The following FAR2 variants were observed in gnomAD, a reference collection of about 807,000 sequenced individuals.
FAR2 encodes the protein epididymis secretory protein Li 81.
A neutral mutation model predicts 56.0 loss-of-function variants in FAR2; 19 were observed. The observed-to-expected ratio is 0.34, with a 90% CI of 0.24 to 0.50. The LOEUF (loss-of-function observed/expected upper bound fraction) is 0.50. FAR2 is among the 20% of genes least tolerant of loss of function. The pLI, the probability that FAR2 is intolerant of heterozygous loss-of-function variation, is 0.98. For missense variants in FAR2, 508 were observed against 642.2 expected (o/e 0.79, Z 2.26); for synonymous variants, 219 against 218.8 (o/e 1.00, Z -0.01).
chr12:29,265,007 G>A (rs1390528588), intron 1 of FAR2, among the ~76,000 whole-genome samples: 3 of 152,102 alleles, frequency 2.0e-5, no homozygotes, highest in Non-Finnish European at 4.4e-5. Context: ...ATAAAACATT[G>A]ATGGAAGAAA....
intron 1 of FAR2, among the ~76,000 whole-genome samples, chr12:29,214,094 A>G (rs1015314871): frequency 6.6e-6 from 1 of 152,238 alleles, no homozygotes; most frequent in African/African-American, 2.4e-5. Flanking sequence ...TCGTCATCCA[A>G]GTCATCAATT....
chr12:29,187,904 A>G (rs1223960790), intron 1 of FAR2, among the ~76,000 whole-genome samples: 1 of 152,196 alleles, frequency 6.6e-6, no homozygotes, highest in Non-Finnish European at 1.5e-5. Context: ...TTGTGTTCCA[A>G]TCAGCCAGTT....
intron 1 of FAR2, among the ~76,000 whole-genome samples, chr12:29,221,394 C>A (rs755925308): frequency 2.6e-5 from 4 of 152,152 alleles, no homozygotes; most frequent in South Asian, 2.1e-4. Context: ...GCCTGACCAG[C>A]TACCTACTGT....
At chr12:29,250,020 C>T (rs1948182247) in intron 1 of FAR2, among the ~76,000 whole-genome samples, 1 of 152,156 alleles carries the variant, frequency 6.6e-6, no homozygotes, top group South Asian at 2.1e-4. Flanking sequence ...GACTCGAATG[C>T]TCACTAGCAT....
At chr12:29,221,098 A>G (rs1947684235) in intron 1 of FAR2, among the ~76,000 whole-genome samples, 1 of 152,010 alleles carries the variant, frequency 6.6e-6, no homozygotes, top group Non-Finnish European at 1.5e-5. Flanking sequence ...AACTGGTAAC[A>G]ACACTCCCTT....
chr12:29,249,248 T>A (rs1204143895), intron 1 of FAR2, among the ~76,000 whole-genome samples: 1 of 152,202 alleles, frequency 6.6e-6, no homozygotes, highest in African/African-American at 2.4e-5. Flanking sequence ...TAAATGTCCA[T>A]AAAATCTTCA....
chr12:29,174,022 C>A (rs934551569), intron 1 of FAR2, among the ~76,000 whole-genome samples: 4 of 152,262 alleles, frequency 2.6e-5, no homozygotes, highest in African/African-American at 7.2e-5. Flanking sequence ...CCTAAGCATT[C>A]TCCTGTTAGT....
chr12:29,224,423 G>C (rs1353969846), intron 1 of FAR2, among the ~76,000 whole-genome samples: 1 of 152,210 alleles, frequency 6.6e-6, no homozygotes, highest in Non-Finnish European at 1.5e-5. Flanking sequence ...GGGAACTTGA[G>C]AGCTCCAGGG....
intron 10 of FAR2, among the ~76,000 whole-genome samples, chr12:29,328,901 A>C: frequency 6.6e-6 from 1 of 152,044 alleles, no homozygotes; most frequent in East Asian, 1.9e-4. Flanking sequence ...ATAATAATTA[A>C]AAAAAAGAAA....
intron 1 of FAR2, among the ~76,000 whole-genome samples, chr12:29,159,230 C>T (rs1429352492): frequency 6.6e-6 from 1 of 152,150 alleles, no homozygotes; most frequent in African/African-American, 2.4e-5. Context: ...GCACCAAGCA[C>T]TTAACACCAA....
chr12:29,325,797 A>C (rs1029415895), intron 10 of FAR2, among the ~76,000 whole-genome samples: 7 of 152,216 alleles, frequency 4.6e-5, no homozygotes, highest in Non-Finnish European at 8.8e-5. Flanking sequence ...AAGAGAAAGC[A>C]AGAAAGATCT....
Position 29,175,760 on chromosome 12 carries a change from C to T in FAR2, c.-39+26353C>T, listed in dbSNP as rs1014388702. Among the ~76,000 whole-genome samples, 52 of 152,128 alleles carry T rather than the reference C, an allele frequency of 3.4e-4. 2 individuals carry two copies. Among genetic ancestry groups the T allele is most frequent in the Admixed American group, 3.3e-3 (51 of 15,268 alleles). On this transcript the variant is annotated intron_variant, in intron 1 of 11. Transcript: ENST00000536681. ...GATTGGTGCGTTTACAATCCTTTAG[C>T]GAGACCCAGAGCGCTGATTGGTGCA...
rs1949780120 is a variant in FAR2, at chr12:29,335,312, T to C, written c.*1518T>C. 1 of 152,188 alleles carries C rather than the reference T, an allele frequency of 6.6e-6. No individual in the cohort carries two copies. Among genetic ancestry groups the C allele is most frequent in the Non-Finnish European group, 1.5e-5 (1 of 68,030 alleles). The allele number at this position is 152,188 out of a possible 1,614,324, so 9.4% of individuals were successfully genotyped here. ...TGGAGGAACTCTTCTGGGCAATATC[T>C]TTCCCAATCTCATCTAAATTCTGGG... On this transcript the variant is annotated 3_prime_UTR_variant, in exon 12 of 12. Transcript: ENST00000536681.
chr12:29,313,960 G>A (rs557201366), intron 8 of FAR2, among the ~76,000 whole-genome samples: 2 of 148,740 alleles, frequency 1.3e-5, no homozygotes, highest in South Asian at 2.1e-4. Flanking sequence ...ACGAATATTC[G>A]GCTTTTCTAA....
intron 1 of FAR2, among the ~76,000 whole-genome samples, chr12:29,263,792 G>A (rs1192163582): frequency 6.6e-6 from 1 of 151,618 alleles, no homozygotes; most frequent in African/African-American, 2.4e-5. Flanking sequence ...CCAATAACAA[G>A]TAATGAGGCC....
rs1305227718 is a variant in FAR2, at chr12:29,335,025, C to T, written c.*1231C>T. The T allele has an allele frequency of 2.0e-5, 3 of 152,148 alleles. No individual in the cohort carries two copies. The highest frequency in any genetic ancestry group is 6.6e-5 in the Admixed American group (1 of 15,264). The allele number at this position is 152,148 out of a possible 1,614,324, so 9.4% of individuals were successfully genotyped here. A position where few individuals can be genotyped will look rare whatever the true frequency, so the allele number is the denominator to read the frequency against. Reference sequence around the variant, plus strand: ...GAGTACATGTTGGATTGCAGCATTTCTTCATGTTAAAAACATGGAATATTA... The same window carrying T: ...GAGTACATGTTGGATTGCAGCATTTTTTCATGTTAAAAACATGGAATATTA... On this transcript the variant is annotated 3_prime_UTR_variant, in exon 12 of 12. Coordinates refer to ENST00000536681, the MANE Select transcript of FAR2 (RefSeq NM_001271783.2).
chr12:29,203,266 G>A (rs996407693), intron 1 of FAR2, among the ~76,000 whole-genome samples: 3 of 152,126 alleles, frequency 2.0e-5, no homozygotes, highest in African/African-American at 7.2e-5. Context: ...TCTTCCTTAA[G>A]CCACACACAT....
intron 10 of FAR2, among the ~76,000 whole-genome samples, chr12:29,324,580 G>A (rs972013980): frequency 6.6e-6 from 1 of 152,208 alleles, no homozygotes; most frequent in Non-Finnish European, 1.5e-5. Context: ...CCAGAAGAGA[G>A]TGGGGGCCGA....
At chr12:29,311,221 T>C (rs1029826708) in intron 7 of FAR2, 75 bp downstream of exon 7, 13 of 1,020,932 alleles carry the variant, frequency 1.3e-5, no homozygotes, top group East Asian at 2.4e-5. Flanking sequence ...TTTCCAAATA[T>C]AGGCATTTCA....
Sources: gnomAD v4.1 joint callset for allele counts (sites outside exome capture counted in the v4.1 genomes callset) on GRCh38, gnomAD v4.1.1 for gene constraint, MANE v1.5 for transcripts, NCBI Gene and HGNC (gene_info 2026-07-23, HGNC 2026-07-21) for gene names.